The following IFNAR1 variants were observed in gnomAD, a reference collection of about 807,000 sequenced individuals.
The protein encoded by IFNAR1 is interferon alpha and beta receptor subunit 1.
IFNAR1 carries 47 observed loss-of-function variants against 62.1 expected under a neutral mutation model. That is an observed-to-expected ratio of 0.76 (90% CI 0.60 to 0.97). The LOEUF is 0.97. IFNAR1 is among the 50% of genes least tolerant of loss of function. IFNAR1 has a pLI of 0.00. For missense variants in IFNAR1, 638 were observed against 654.5 expected, an observed-to-expected ratio of 0.97 and a Z score of 0.27; for synonymous variants, 219 against 226.9, an observed-to-expected ratio of 0.97 and a Z score of 0.31.
chr21:33,352,538 G>T (rs1264431544), intron 8 of IFNAR1, among the ~76,000 whole-genome samples: 1 of 152,134 alleles, frequency 6.6e-6, no homozygotes, highest in East Asian at 1.9e-4. Context: ...AGGAGGCAGA[G>T]ATTGCAGTGA....
rs1255407627 is a variant in IFNAR1, at chr21:33,356,294, A to G, written c.*745A>G. The G allele has an allele frequency of 6.6e-6, 1 of 152,200 alleles. No individual in the cohort carries two copies. The highest frequency in any genetic ancestry group is 2.4e-5 in the African/African-American group (1 of 41,428). The allele number at this position is 152,200 out of a possible 1,614,324, so 9.4% of individuals were successfully genotyped here. The stretch of plus-strand genomic sequence containing the variant: ...ACATTCTGTTTCATTCTTCCTCGGG[A>G]GATATTTCAAACATTTGGTCTTTTC... On this transcript the variant is annotated 3_prime_UTR_variant, in exon 11 of 11. Coordinates refer to ENST00000270139, the MANE Select transcript of IFNAR1 (RefSeq NM_000629.3).
intron 2 of IFNAR1, among the ~76,000 whole-genome samples, chr21:33,336,986 G>A (rs1416525540): frequency 6.6e-6 from 1 of 152,018 alleles, no homozygotes; most frequent in East Asian, 1.9e-4. Context: ...TCTTACCTCA[G>A]GTGGTCTGCT....
chr21:33,348,977 T>A, intron 6 of IFNAR1, 114 bp from the exon 7 acceptor site: 3 of 643,756 alleles, frequency 4.7e-6, no homozygotes, highest in Non-Finnish European at 8.0e-6. Flanking sequence ...TGTTTGTGAG[T>A]TTCCTGAGTG....
chr21:33,345,199 C>A, intron 5 of IFNAR1, 47 bp from the exon 6 acceptor site: 1 of 895,520 alleles, frequency 1.1e-6, no homozygotes, highest in Non-Finnish European at 1.8e-6. Context: ...AGTTATCTCA[C>A]TTGAGTAAAA....
In IFNAR1 at chr21:33,335,577, A is replaced by T. The variant is rs538755984; in HGVS notation, c.130A>T (p.Asn44Tyr). 1 of 1,607,968 alleles carries T rather than the reference A, an allele frequency of 6.2e-7. No individual in the cohort carries two copies. Among genetic ancestry groups the T allele is most frequent in the African/African-American group, 1.3e-5 (1 of 74,704 alleles). The change falls in exon 2 of 11, where the codon AAC becomes TAC. Residue 44 changes from asparagine to tyrosine, a missense_variant. Coordinates refer to ENST00000270139, the MANE Select transcript of IFNAR1 (RefSeq NM_000629.3). The stretch of plus-strand genomic sequence containing the variant: ...AGTAGAGGTCGACATCATAGATGAC[A>T]ACTTTATCCTGAGGTGGAACAGGAG... ...QKVEVDIIDD[N>Y]FILRWNRSDE...
rs377642967 is a variant in IFNAR1, at chr21:33,324,981, G to C, written c.-75G>C. 3 of 1,376,736 alleles carry C rather than the reference G, an allele frequency of 2.2e-6. No homozygotes were observed. Among genetic ancestry groups the C allele is most frequent in the Non-Finnish European group, 2.0e-6 (2 of 991,616 alleles). The allele number at this position is 1,376,736 out of a possible 1,614,324, so 85.3% of individuals were successfully genotyped here. A position where few individuals can be genotyped will look rare whatever the true frequency, so the allele number is the denominator to read the frequency against. Reference sequence around the variant, plus strand: ...GTGTGCAGAGGGGCGGTGTGACTTAGGACGGGGCGATGGCGGCTGAGAGGA... The same window carrying C: ...GTGTGCAGAGGGGCGGTGTGACTTACGACGGGGCGATGGCGGCTGAGAGGA... On this transcript the variant is annotated 5_prime_UTR_variant, in exon 1 of 11. Coordinates refer to ENST00000270139, the MANE Select transcript of IFNAR1 (RefSeq NM_000629.3).
chr21:33,353,940 A>T (rs925698874), intron 10 of IFNAR1, among the ~76,000 whole-genome samples, 157 bp downstream of exon 10: 5 of 152,254 alleles, frequency 3.3e-5, no homozygotes, highest in African/African-American at 1.2e-4. Flanking sequence ...AACTTTAAAA[A>T]CAGTAATTTC....
At chr21:33,350,052 G>A (rs1448356605) in intron 8 of IFNAR1, among the ~76,000 whole-genome samples, 1 of 151,714 alleles carries the variant, frequency 6.6e-6, no homozygotes, top group East Asian at 1.9e-4. Flanking sequence ...ACAGATTCCT[G>A]AGCCTATTGT....
At chr21:33,343,034 T>C (rs564949379) in intron 3 of IFNAR1, among the ~76,000 whole-genome samples, 1 of 152,314 alleles carries the variant, frequency 6.6e-6, no homozygotes, top group Admixed American at 6.5e-5. Context: ...TCCTGCTCAT[T>C]GATCGCTTCA....
At chr21:33,326,330 G>A (rs2083126276) in intron 1 of IFNAR1, among the ~76,000 whole-genome samples, 1 of 150,888 alleles carries the variant, frequency 6.6e-6, no homozygotes, top group Non-Finnish European at 1.5e-5. Context: ...TCAGCCTCTT[G>A]AGTAGCTGGA....
chr21:33,356,935 G>A lies in IFNAR1; in HGVS notation c.*1386G>A, dbSNP rs990605969. 2.0e-5 allele frequency: 3 copies of A among 152,174 alleles called. No homozygotes were observed. The South Asian group carries it at 6.2e-4, about 32-fold the overall frequency. The allele number at this position is 152,174 out of a possible 1,614,324, so 9.4% of individuals were successfully genotyped here. ...TGCCAGGCTGGCTTCTCGTCTAGCA[G>A]TATTCAGATACCCCTTCTGCTCAGC... is the stretch of plus-strand genomic sequence containing the variant. On this transcript the variant is annotated 3_prime_UTR_variant, in exon 11 of 11. Coordinates refer to ENST00000270139, the MANE Select transcript of IFNAR1 (RefSeq NM_000629.3).
chr21:33,355,039 C>T (rs1261208270), intron 10 of IFNAR1, among the ~76,000 whole-genome samples: 2 of 151,934 alleles, frequency 1.3e-5, no homozygotes, highest in Non-Finnish European at 2.9e-5. Flanking sequence ...TGTCCTTTCC[C>T]GTGTTCTTCC....
chr21:33,349,667 G>A (rs931550175), intron 8 of IFNAR1, 124 bp downstream of exon 8: 2 of 692,950 alleles, frequency 2.9e-6, no homozygotes, highest in African/African-American at 1.8e-5. Flanking sequence ...GCAGTGGCCT[G>A]TAATCCCAGC....
chr21:33,327,683 A>T (rs1215931367), intron 1 of IFNAR1, among the ~76,000 whole-genome samples: 1 of 152,184 alleles, frequency 6.6e-6, no homozygotes, highest in Admixed American at 6.5e-5. Context: ...ACCGGTCTGA[A>T]ATCAACTTAG....
At chr21:33,340,566 T>G (rs2123680110) in intron 2 of IFNAR1, among the ~76,000 whole-genome samples, 1 of 152,004 alleles carries the variant, frequency 6.6e-6, no homozygotes, top group East Asian at 1.9e-4. Flanking sequence ...CAGGGTTTGC[T>G]ATGTTGACCA....
chr21:33,350,809 C>T (rs897717629), intron 8 of IFNAR1, among the ~76,000 whole-genome samples: 4 of 152,190 alleles, frequency 2.6e-5, no homozygotes, highest in Admixed American at 6.5e-5. Context: ...GAATTATGGT[C>T]GGTTTTCAGA....
intron 8 of IFNAR1, among the ~76,000 whole-genome samples, chr21:33,351,142 T>C (rs1282249187): frequency 6.6e-6 from 1 of 152,216 alleles, no homozygotes; most frequent in East Asian, 1.9e-4. Context: ...TGCTAAGTAT[T>C]GTACATGAAT....
At chr21:33,352,500 G>A (rs1165231492) in intron 8 of IFNAR1, among the ~76,000 whole-genome samples, 4 of 152,056 alleles carry the variant, frequency 2.6e-5, no homozygotes, top group Admixed American at 6.6e-5. Context: ...CTACTCAGGA[G>A]GGTGAGGCAG....
rs1244367109 is a variant in IFNAR1, at chr21:33,357,596, G to C, written c.*2047G>C. The C allele has an allele frequency of 1.3e-5, 2 of 151,224 alleles. No homozygotes were observed. Among genetic ancestry groups the C allele is most frequent in the Admixed American group, 6.6e-5 (1 of 15,176 alleles). The allele number at this position is 151,224 out of a possible 1,614,324, so 9.4% of individuals were successfully genotyped here. A position where few individuals can be genotyped will look rare whatever the true frequency, so the allele number is the denominator to read the frequency against. On this transcript the variant is annotated 3_prime_UTR_variant, in exon 11 of 11. Transcript: ENST00000270139. ...GCTGGAGTGCAGTGGCTTGATCTCG[G>C]CTCACTGCAACCTCGCCTCCCGGGT...
Sources: gnomAD v4.1 joint callset for allele counts (sites outside exome capture counted in the v4.1 genomes callset) on GRCh38, gnomAD v4.1.1 for gene constraint, MANE v1.5 for transcripts, NCBI Gene and HGNC (gene_info 2026-07-23, HGNC 2026-07-21) for gene names.